Variants in ATP10A observed in about 807,000 individuals in gnomAD.
The protein encoded by ATP10A is ATPase phospholipid transporting 10A (putative).
In ATP10A, 111 loss-of-function variants were observed where a neutral mutation model predicts 147.8. The ratio of observed to expected loss-of-function variants is 0.75; its 90% CI spans 0.64 to 0.88. The LOEUF is 0.88. Ranked by LOEUF, ATP10A falls within the 40% of genes least tolerant of loss-of-function variation. The probability of loss-of-function intolerance (pLI) is 0.00; values close to 1 mark genes in which losing one functional copy is unlikely to be tolerated. For missense variants in ATP10A, 1,927 were observed against 1,959.0 expected (o/e 0.98, Z 0.31); for synonymous variants, 875 against 841.6 (o/e 1.04, Z -0.69).
rs762120333 is a variant in ATP10A at position 25,694,885 on chromosome 15, G to A, written c.3022C>T (p.Pro1008Ser). The change falls in exon 14 of 21, where the codon CCT (proline) becomes TCT (serine). Residue 1008 changes from proline to serine, a missense_variant. Physicochemically the swap from Pro to Ser is moderately conservative, Grantham distance 74. Transcript: ENST00000555815. The part of the protein sequence containing the change: ...CRSVLCCRST[P>S]LQKSMVVKLV... Reference sequence around the variant, plus strand: ...TTCACCACCATGCTCTTCTGCAGAGGCGTCGACCGACAGCAGAGGACGGAG... The same window carrying A: ...TTCACCACCATGCTCTTCTGCAGAGACGTCGACCGACAGCAGAGGACGGAG... 3.7e-6 allele frequency: 6 copies of A among 1,614,174 alleles called. No homozygotes were observed. In the South Asian group the frequency reaches 6.6e-5, roughly 18 times the overall value.
At chr15:25,691,452 C>G (rs115231751) in intron 15 of ATP10A, among the ~76,000 whole-genome samples, 83 of 152,352 alleles carry the variant, frequency 5.4e-4, no homozygotes, top group African/African-American at 1.5e-3. Flanking sequence ...TTGCCTCTCT[C>G]TGAACCACTT....
At chr15:25,854,793 C>T (rs1265074522) in intron 1 of ATP10A, among the ~76,000 whole-genome samples, 1 of 152,164 alleles carries the variant, frequency 6.6e-6, no homozygotes, top group Non-Finnish European at 1.5e-5. Context: ...CGCAGTGGCT[C>T]ACGCTTGTAA....
At chr15:25,767,457 A>T (rs143579199) in intron 2 of ATP10A, among the ~76,000 whole-genome samples, 2 of 152,168 alleles carry the variant, frequency 1.3e-5, no homozygotes, top group Non-Finnish European at 2.9e-5. Flanking sequence ...CTGGAGCCCA[A>T]TGTTGGGTTT....
intron 1 of ATP10A, among the ~76,000 whole-genome samples, chr15:25,792,471 C>T (rs994683478): frequency 6.6e-6 from 1 of 152,236 alleles, no homozygotes; most frequent in Non-Finnish European, 1.5e-5. Flanking sequence ...TCAACAAACA[C>T]CCATGCAGGT....
At chr15:25,844,474 A>T (rs572486445) in intron 1 of ATP10A, among the ~76,000 whole-genome samples, 1 of 152,396 alleles carries the variant, frequency 6.6e-6, no homozygotes, top group East Asian at 1.9e-4. Context: ...ATTTTAAAAT[A>T]AAGGGATATT....
intron 2 of ATP10A, among the ~76,000 whole-genome samples, chr15:25,780,631 A>G (rs1029600160): frequency 2.0e-5 from 3 of 152,054 alleles, no homozygotes; most frequent in African/African-American, 7.2e-5. Context: ...TTGAGGAGAA[A>G]ATGTTCCTGA....
At chr15:25,681,417 C>T (rs1899403006) in intron 17 of ATP10A, among the ~76,000 whole-genome samples, 1 of 152,154 alleles carries the variant, frequency 6.6e-6, no homozygotes, top group East Asian at 1.9e-4. Flanking sequence ...ATACATTTGT[C>T]TTCCTTTACC....
At chr15:25,773,870 G>A (rs971771167) in intron 2 of ATP10A, among the ~76,000 whole-genome samples, 1 of 151,258 alleles carries the variant, frequency 6.6e-6, no homozygotes, top group Non-Finnish European at 1.5e-5. Flanking sequence ...TCACTCATGA[G>A]GAGATGCCTA....
chr15:25,683,212 A>T, intron 17 of ATP10A, 74 bp downstream of exon 17: 1 of 1,404,354 alleles, frequency 7.1e-7, no homozygotes. Flanking sequence ...AGGCTGGGGG[A>T]CTGGCACTTT....
intron 1 of ATP10A, among the ~76,000 whole-genome samples, chr15:25,808,743 TC>T (rs1253604239): frequency 1.3e-5 from 2 of 152,294 alleles, no homozygotes; most frequent in South Asian, 4.1e-4. Context: ...CCCACTCTTT[TC>T]CCCCATTGGG....
rs570895218 is a variant in ATP10A, at chr15:25,782,855, G to A, written c.450-1632C>T. Among the ~76,000 whole-genome samples the A allele has an allele frequency of 1.4e-3, 216 of 152,160 alleles. 1 individual carries two copies. The highest frequency in any genetic ancestry group is 5.0e-3 in the African/African-American group (208 of 41,498). On this transcript the variant is annotated intron_variant, in intron 1 of 20. Coordinates refer to ENST00000555815, the MANE Select transcript of ATP10A (RefSeq NM_024490.4). ...ATGTTACACCTTGGAAACATACCTT[G>A]GAGAGGAAATCTCATTGAGAAATCC... is the stretch of plus-strand genomic sequence containing the variant.
intron 1 of ATP10A, among the ~76,000 whole-genome samples, chr15:25,843,655 C>T (rs1177421056): frequency 2.6e-5 from 4 of 152,098 alleles, no homozygotes; most frequent in African/African-American, 9.7e-5. Flanking sequence ...AGAGTTTATC[C>T]AGGCATCCAG....
At chr15:25,717,618 G>C (rs1351441666) in intron 8 of ATP10A, among the ~76,000 whole-genome samples, 1 of 152,174 alleles carries the variant, frequency 6.6e-6, no homozygotes, top group African/African-American at 2.4e-5. Context: ...GCTTCTCTGT[G>C]GGTTTAGAAG....
intron 3 of ATP10A, among the ~76,000 whole-genome samples, chr15:25,732,013 A>C (rs1167430845): frequency 6.6e-6 from 1 of 152,036 alleles, no homozygotes; most frequent in African/African-American, 2.4e-5. Flanking sequence ...GCACCACCAC[A>C]CCCACACCAG....
Position 25,695,146 on chromosome 15 carries a change from C to G in ATP10A, c.2761G>C (p.Glu921Gln), listed in dbSNP as rs1900251395. 13 of 1,607,590 alleles carry G rather than the reference C, an allele frequency of 8.1e-6. No individual in the cohort carries two copies. The highest frequency in any genetic ancestry group is 1.0e-5 in the Non-Finnish European group (12 of 1,175,862). Reference sequence around the variant, plus strand: ...TGGTCTAGCAGGGCTGCACACGCCTCCTGAAAGGGACATGAGAGGACAGCG... The same window carrying G: ...TGGTCTAGCAGGGCTGCACACGCCTGCTGAAAGGGACATGAGAGGACAGCG... Reference protein sequence around the residue: ...EVITLNATSQEACAALLDQCL... With the variant: ...EVITLNATSQQACAALLDQCL... The change falls in exon 14 of 21, where the codon GAG (glutamate) becomes CAG (glutamine). Residue 921 changes from glutamate to glutamine, a missense_variant and splice_region_variant. Glu to Gln is a conservative substitution (Grantham distance 29). Transcript: ENST00000555815.
At chr15:25,790,030 G>T (rs559302381) in intron 1 of ATP10A, among the ~76,000 whole-genome samples, 1 of 152,298 alleles carries the variant, frequency 6.6e-6, no homozygotes, top group South Asian at 2.1e-4. Flanking sequence ...TTAAAATCAT[G>T]AAGGTGAGAA....
At chr15:25,844,695 G>A (rs1348867816) in intron 1 of ATP10A, among the ~76,000 whole-genome samples, 2 of 152,300 alleles carry the variant, frequency 1.3e-5, no homozygotes, top group Admixed American at 6.5e-5. Context: ...ACCACCCTGA[G>A]AGGCTGCGGT....
rs1893819878 is a variant in ATP10A, at chr15:25,862,713, C to T, written c.384G>A (p.Trp128Ter). 1 of 1,611,844 alleles carries T rather than the reference C, an allele frequency of 6.2e-7. No individual in the cohort carries two copies. Reference protein sequence around the residue: ...ILAITAFRDLWEDYSRHRSDH... With the variant: ...ILAITAFRDL The stretch of plus-strand genomic sequence containing the variant: ...CGGAGCGGTGGCGGCTGTAGTCCTC[C>T]CACAGGTCCCTGAAGGCCGTGATGG... Residue 128 changes from tryptophan (W) to a stop codon, truncating the protein, a stop_gained, in exon 1 of 21, where the codon TGG becomes TGA. Transcript: ENST00000555815. LOFTEE classifies it high-confidence loss of function.
intron 2 of ATP10A, among the ~76,000 whole-genome samples, chr15:25,754,105 G>A (rs1172112269): frequency 6.6e-6 from 1 of 152,038 alleles, no homozygotes; most frequent in African/African-American, 2.4e-5. Flanking sequence ...TTCATGTGCT[G>A]CGGTTTTTTA....
Sources: allele counts gnomAD v4.1 joint callset (sites outside exome capture counted in the v4.1 genomes callset), GRCh38; gene constraint gnomAD v4.1.1; transcripts MANE v1.5; gene names NCBI Gene and HGNC (gene_info 2026-07-23, HGNC 2026-07-21).